The following WWP2 variants were observed in gnomAD, a reference collection of about 807,000 sequenced individuals.
The protein encoded by WWP2 is NEDD4-like E3 ubiquitin-protein ligase WWP2.
In WWP2, 57 loss-of-function variants were observed where a neutral mutation model predicts 121.0. The observed-to-expected ratio is 0.47, with a 90% CI of 0.38 to 0.59. The LOEUF is 0.59. Among genes scored for constraint, WWP2 ranks in the 20% least tolerant of loss-of-function variants. WWP2 has a pLI of 0.00. For missense variants in WWP2, 962 were observed against 1,158.9 expected (o/e 0.83, Z 2.47); for synonymous variants, 449 against 441.3 (o/e 1.02, Z -0.22).
chr16:69,816,543 TA>T (rs975021469), intron 4 of WWP2, among the ~76,000 whole-genome samples: 2 of 150,236 alleles, frequency 1.3e-5, no homozygotes, highest in African/African-American at 4.9e-5. Flanking sequence ...AAATAAAAAG[TA>T]AAAAAAGCAA....
chr16:69,864,933 A>G (rs529476349), intron 6 of WWP2, among the ~76,000 whole-genome samples: 16 of 151,864 alleles, frequency 1.1e-4, no homozygotes, highest in Non-Finnish European at 1.8e-4. Context: ...GTCAATCCTG[A>G]TAGATATGTA....
At chr16:69,841,119 C>T (rs548941000) in intron 5 of WWP2, among the ~76,000 whole-genome samples, 1 of 152,230 alleles carries the variant, frequency 6.6e-6, no homozygotes, top group African/African-American at 2.4e-5. Flanking sequence ...AGGTCTTAGA[C>T]CAGGCCCTAG....
At chr16:69,922,749 G>C (rs2151978832) in intron 10 of WWP2, among the ~76,000 whole-genome samples, 2 of 152,242 alleles carry the variant, frequency 1.3e-5, no homozygotes, top group Middle Eastern at 6.8e-3. Context: ...TTTTCAAGTT[G>C]TACTGCGTAC....
Position 69,917,787 on chromosome 16 carries a change from G to T in WWP2, c.1083G>T (p.Pro361=). ...HNTRTTTWQR[P]TAEYVRNYEQ... ...CTCGGACCACCACCTGGCAGCGTCC[G>T]ACCGCGGAGTACGTGCGCAACTATG... The change falls in exon 10 of 24, where the codon CCG becomes CCT. Residue 361 remains proline, a synonymous_variant. Transcript: ENST00000359154. 6.2e-7 allele frequency: 1 copy of T among 1,613,968 alleles called. No individual in the cohort carries two copies. The highest frequency in any genetic ancestry group is 8.5e-7 in the Non-Finnish European group (1 of 1,179,816).
chr16:69,923,630 T>C (rs1436779922), intron 10 of WWP2, among the ~76,000 whole-genome samples: 2 of 152,196 alleles, frequency 1.3e-5, no homozygotes, highest in Non-Finnish European at 2.9e-5. Context: ...ACAGATGATC[T>C]ACTGACTCCA....
chr16:69,828,124 G>A (rs2056735395), intron 4 of WWP2: 24 of 347,176 alleles, frequency 6.9e-5, no homozygotes, highest in South Asian at 5.5e-4. Flanking sequence ...TGCCTATAGA[G>A]CACTGGGACC....
At chr16:69,865,231 G>A (rs2057498876) in intron 6 of WWP2, among the ~76,000 whole-genome samples, 3 of 150,984 alleles carry the variant, frequency 2.0e-5, no homozygotes, top group Admixed American at 2.0e-4. Context: ...TGTTATTTTT[G>A]TAGAGACAGG....
chr16:69,929,435 TCTC>T lies in WWP2; in HGVS notation c.1235-12_1235-10del. The T allele has an allele frequency of 6.2e-7, 1 of 1,612,200 alleles. No homozygotes were observed. The highest frequency in any genetic ancestry group is 2.2e-5 in the East Asian group (1 of 44,858). ...TTTGAATCTGATGTTCTTTCTTTCT[TCTC>T]ATGTGGCAGAGAAGAGACAGGACAA... On this transcript the variant is annotated splice_polypyrimidine_tract_variant and intron_variant, in intron 11 of 23. Transcript: ENST00000359154.
chr16:69,799,824 C>T lies in WWP2; in HGVS notation c.340+529C>T. ...TGTTGGAACGTGATGGACGCGCCAT[C>T]TGAATTAGCCAACGTGCCTCTACGT... On this transcript the variant is annotated intron_variant, in intron 4 of 23. Transcript: ENST00000359154. The surrounding 1 kb of genome is among the most constrained non-coding windows in gnomAD (Gnocchi z 4.5). Among the ~76,000 whole-genome samples the T allele has an allele frequency of 6.6e-6, 1 of 152,170 alleles. No homozygotes were observed. Among genetic ancestry groups the T allele is most frequent in the East Asian group, 1.9e-4 (1 of 5,190 alleles).
intron 4 of WWP2, among the ~76,000 whole-genome samples, chr16:69,808,432 A>T (rs2056324607): frequency 6.6e-6 from 1 of 150,506 alleles, no homozygotes. Context: ...ATGGAGTTTC[A>T]CTCTTGTCGC....
rs933357764 is a variant in WWP2, at chr16:69,940,035, C to T, written c.*95C>T. On this transcript the variant is annotated 3_prime_UTR_variant, in exon 24 of 24. Transcript: ENST00000359154. ...GGCCCCGCAGCCCTTGGGAGGCCCC[C>T]GTGGATGTGGCCCTGTGTGGGACCA... 14 of 1,010,606 alleles carry T rather than the reference C, an allele frequency of 1.4e-5. No homozygotes were observed. The highest frequency in any genetic ancestry group is 9.7e-5 in the African/African-American group (6 of 62,176). 62.6% of individuals were successfully genotyped at this position (1,010,606 alleles called of 1,614,324 possible).
At chr16:69,931,350 A>G in intron 14 of WWP2, 123 bp downstream of exon 14, 1 of 1,469,754 alleles carries the variant, frequency 6.8e-7, no homozygotes, top group East Asian at 2.3e-5. Context: ...ACACTTGTCT[A>G]ACCCGGAGCT....
In WWP2 at chr16:69,763,067, AAAG is replaced by A. The variant is rs561136982; in HGVS notation, c.-16+679_-16+681del. ...ATCATCGAGGCTTTAAAAAACAAAA[AAAG>A]AAAATAAATTAAAAAAATAAGTGTG... On this transcript the variant is annotated intron_variant, in intron 1 of 23. Coordinates refer to ENST00000359154, the MANE Select transcript of WWP2 (RefSeq NM_001270454.2). Among the ~76,000 whole-genome samples, 478 of 152,236 alleles carry A rather than the reference AAAG, an allele frequency of 3.1e-3. 3 individuals are homozygous for A. Among genetic ancestry groups the A allele is most frequent in the African/African-American group, 0.011 (445 of 41,532 alleles).
intron 4 of WWP2, among the ~76,000 whole-genome samples, chr16:69,808,047 CA>C (rs1239270023): frequency 6.6e-6 from 1 of 152,198 alleles, no homozygotes; most frequent in Non-Finnish European, 1.5e-5. Flanking sequence ...CACATCAAGA[CA>C]TAGCATATTT....
intron 4 of WWP2, among the ~76,000 whole-genome samples, chr16:69,811,335 G>A (rs928007133): frequency 2.0e-5 from 3 of 152,026 alleles, no homozygotes; most frequent in African/African-American, 7.2e-5. Context: ...GGCTAGGTGT[G>A]GTGGCTCACA....
At chr16:69,921,598 C>T (rs1324117087) in intron 10 of WWP2, among the ~76,000 whole-genome samples, 1 of 152,124 alleles carries the variant, frequency 6.6e-6, no homozygotes, top group Non-Finnish European at 1.5e-5. Context: ...TAATGTTGCC[C>T]GTGATCATCG....
intron 8 of WWP2, among the ~76,000 whole-genome samples, chr16:69,888,778 C>T (rs1263088854): frequency 6.6e-6 from 1 of 151,914 alleles, no homozygotes; most frequent in African/African-American, 2.4e-5. Flanking sequence ...GATCTCAGCT[C>T]ACTGCAACCT....
intron 1 of WWP2, among the ~76,000 whole-genome samples, chr16:69,785,643 T>C (rs1055579812): frequency 1.1e-4 from 16 of 151,764 alleles, no homozygotes; most frequent in Admixed American, 5.3e-4. Context: ...TTTTTTTTTT[T>C]CGAGACAGAG....
chr16:69,769,621 C>T (rs773249235), intron 1 of WWP2, among the ~76,000 whole-genome samples: 6 of 152,068 alleles, frequency 3.9e-5, no homozygotes, highest in Non-Finnish European at 8.8e-5. Context: ...CCAAGAATTT[C>T]AGTATCGAGA....
Sources: allele counts gnomAD v4.1 joint callset (sites outside exome capture counted in the v4.1 genomes callset), GRCh38; gene constraint gnomAD v4.1.1; non-coding constraint Gnocchi (gnomAD v3.1); transcripts MANE v1.5; gene names NCBI Gene and HGNC (gene_info 2026-07-23, HGNC 2026-07-21).